Variants in MPC2 observed in about 807,000 individuals in gnomAD.
MPC2 encodes mitochondrial pyruvate carrier 2, also known as brain protein 44.
Under a neutral mutation model 19.2 loss-of-function variants are expected in MPC2, and 19 were observed. The observed-to-expected ratio is 0.99, with a 90% CI of 0.69 to 1.45. MPC2 has a LOEUF of 1.45. Ranked by LOEUF, MPC2 falls within the 40% of genes most tolerant of loss-of-function variation. The pLI is 0.00. For synonymous variants in MPC2, 61 were observed against 54.3 expected (o/e 1.12, Z -0.54); for missense variants, 122 against 153.0 (o/e 0.80, Z 1.07).
chr1:167,924,734 G>A lies in MPC2; in HGVS notation c.110-197C>T, dbSNP rs3752541. Among the ~76,000 whole-genome samples the A allele has an allele frequency of 4.5e-3, 686 of 152,166 alleles. 8 individuals are homozygous for A. The East Asian group carries it at 0.056, about 12-fold the overall frequency. ...CAGTATCACAGTACAGTTGACCCTT[G>A]AATAACACAGGTTTGAACTGATAGG... On this transcript the variant is annotated intron_variant, in intron 2 of 5. Transcript: ENST00000271373.
chr1:167,921,681 G>A (rs1184769944), intron 3 of MPC2, among the ~76,000 whole-genome samples: 1 of 151,844 alleles, frequency 6.6e-6, no homozygotes, highest in African/African-American at 2.4e-5. Context: ...ATTTATGCCA[G>A]TTTTACTTGT....
At chr1:167,919,847 T>C (rs1467980449) in intron 5 of MPC2, 132 bp downstream of exon 5, 1 of 570,968 alleles carries the variant, frequency 1.8e-6, no homozygotes, top group Non-Finnish European at 3.1e-6. Context: ...GCATTATATA[T>C]GAATCTTTTA....
chr1:167,921,872 C>T (rs952796714), intron 3 of MPC2, among the ~76,000 whole-genome samples: 18 of 151,954 alleles, frequency 1.2e-4, no homozygotes, highest in Non-Finnish European at 7.4e-5. Context: ...TATTTATATC[C>T]TTTAGGTTAA....
At chr1:167,925,510 T>A in intron 2 of MPC2, among the ~76,000 whole-genome samples, 2 of 136,026 alleles carry the variant, frequency 1.5e-5, no homozygotes, top group African/African-American at 2.6e-5. Context: ...TATATACACA[T>A]ACAAACAACG....
At chr1:167,918,471 T>C in intron 5 of MPC2, 112 bp from the exon 6 acceptor site, 1 of 672,104 alleles carries the variant, frequency 1.5e-6, no homozygotes, top group Non-Finnish European at 2.5e-6. Flanking sequence ...CAAGTAGCTA[T>C]ACAGTTGTAA....
chr1:167,918,095 G>A lies in MPC2; in HGVS notation c.*228C>T, dbSNP rs1371348244. The A allele has an allele frequency of 1.4e-5, 6 of 424,494 alleles. No individual in the cohort carries two copies. Among genetic ancestry groups the A allele is most frequent in the Admixed American group, 8.2e-5 (2 of 24,360 alleles). 26.3% of individuals were successfully genotyped at this position (424,494 alleles called of 1,614,324 possible). A position where few individuals can be genotyped will look rare whatever the true frequency, so the allele number is the denominator to read the frequency against. On this transcript the variant is annotated 3_prime_UTR_variant, in exon 6 of 6. Transcript: ENST00000271373. ...TATACGAGCAAGTATGGTTTATTAC[G>A]GACAAATGGTAGAAAAATGTTACTA...
intron 2 of MPC2, among the ~76,000 whole-genome samples, chr1:167,929,293 A>G (rs963976644): frequency 2.0e-5 from 3 of 152,134 alleles, no homozygotes; most frequent in African/African-American, 7.2e-5. Context: ...CAGGAGGCAG[A>G]GGTTGCAGTG....
intron 2 of MPC2, among the ~76,000 whole-genome samples, chr1:167,929,841 C>CTTA (rs1258988273): frequency 6.6e-6 from 1 of 152,178 alleles, no homozygotes; most frequent in Non-Finnish European, 1.5e-5. Flanking sequence ...AAGTTTCTTA[C>CTTA]TGAATGCTAA....
chr1:167,920,178 C>A (rs1334310829), intron 4 of MPC2, 88 bp from the exon 5 acceptor site: 1 of 817,894 alleles, frequency 1.2e-6, no homozygotes, highest in Non-Finnish European at 2.0e-6. Flanking sequence ...GTAATTACAA[C>A]AATAATGTAG....
intron 1 of MPC2, chr1:167,936,730 C>T: frequency 6.7e-6 from 4 of 597,996 alleles, no homozygotes; most frequent in Non-Finnish European, 1.2e-5. Context: ...GAGCTCCGGC[C>T]CGGGTGCGGC....
intron 3 of MPC2, among the ~76,000 whole-genome samples, chr1:167,920,990 C>T (rs1343861438): frequency 6.6e-6 from 1 of 151,972 alleles, no homozygotes; most frequent in Non-Finnish European, 1.5e-5. Context: ...TGTCAGGAAC[C>T]ACTAACCACT....
rs1670513213 is a variant in MPC2, at chr1:167,918,230, C to T, written c.*93G>A. 6.8e-6 allele frequency: 7 copies of T among 1,028,044 alleles called. No homozygotes were observed. Among genetic ancestry groups the T allele is most frequent in the Non-Finnish European group, 1.0e-5 (7 of 697,918 alleles). The allele number at this position is 1,028,044 out of a possible 1,614,324, so 63.7% of individuals were successfully genotyped here. A position where few individuals can be genotyped will look rare whatever the true frequency, so the allele number is the denominator to read the frequency against. ...TACCAGTTACAGTGCCTTCTAAACACACAGTTAGCTTTGCTTTATCAATAA... is the reference window on the plus strand; with the variant it reads ...TACCAGTTACAGTGCCTTCTAAACATACAGTTAGCTTTGCTTTATCAATAA... On this transcript the variant is annotated 3_prime_UTR_variant, in exon 6 of 6. Coordinates refer to ENST00000271373, the MANE Select transcript of MPC2 (RefSeq NM_001143674.4).
chr1:167,927,901 T>A (rs1670800335), intron 2 of MPC2, among the ~76,000 whole-genome samples: 1 of 152,218 alleles, frequency 6.6e-6, no homozygotes, highest in Admixed American at 6.5e-5. Context: ...AATTTTAGTT[T>A]AACAACTGCT....
chr1:167,920,392 C>T (rs1197489724), intron 4 of MPC2, among the ~76,000 whole-genome samples, 155 bp downstream of exon 4: 5 of 152,208 alleles, frequency 3.3e-5, no homozygotes, highest in Admixed American at 1.3e-4. Flanking sequence ...TGTGACTCCT[C>T]CATCCATAAC....
intron 3 of MPC2, among the ~76,000 whole-genome samples, chr1:167,922,327 A>G (rs1282479226): frequency 6.6e-6 from 1 of 152,136 alleles, no homozygotes; most frequent in Non-Finnish European, 1.5e-5. Context: ...ACAGTAATGA[A>G]CCAGTTCAAA....
In MPC2 at chr1:167,925,442, CATATATATATATAT is replaced by C. The variant is rs369657697; in HGVS notation, c.110-919_110-906del. Among the ~76,000 whole-genome samples, 55 of 82,476 alleles carry C rather than the reference CATATATATATATAT, an allele frequency of 6.7e-4. 1 individual carries two copies. In the South Asian group the frequency reaches 9.0e-3, roughly 13 times the overall value. The allele number at this position is 82,476 out of a possible 152,430, so 54.1% of individuals were successfully genotyped here. On this transcript the variant is annotated intron_variant, in intron 2 of 5. Transcript: ENST00000271373. The stretch of plus-strand genomic sequence containing the variant: ...TATAATATACAGATATACATATACA[CATATATATATATAT>C]ATATATATATATATATATACATATA...
At chr1:167,936,632 C>A in intron 1 of MPC2, 2 of 377,146 alleles carry the variant, frequency 5.3e-6, no homozygotes, top group South Asian at 3.2e-5. Context: ...CCTCCGCCTC[C>A]GCCTCCTCCT....
At chr1:167,929,134 G>A (rs780798453) in intron 2 of MPC2, among the ~76,000 whole-genome samples, 5 of 152,136 alleles carry the variant, frequency 3.3e-5, no homozygotes, top group East Asian at 1.9e-4. Context: ...GGAGGTGGGC[G>A]GATCACCAGA....
In MPC2 at chr1:167,920,108, T is replaced by A; in HGVS notation, c.236-18A>T. 1 of 1,514,584 alleles carries A rather than the reference T, an allele frequency of 6.6e-7. No individual in the cohort carries two copies. The highest frequency in any genetic ancestry group is 9.1e-7 in the Non-Finnish European group (1 of 1,095,510). 93.8% of individuals were successfully genotyped at this position (1,514,584 alleles called of 1,614,324 possible). A position where few individuals can be genotyped will look rare whatever the true frequency, so the allele number is the denominator to read the frequency against. On this transcript the variant is annotated intron_variant, in intron 4 of 5. Coordinates refer to ENST00000271373, the MANE Select transcript of MPC2 (RefSeq NM_001143674.4). ...AATAAACCCTGTTGAAACAAAATGT[T>A]ACTTTAAAAAGAATACATACTGCTT...
Sources: allele counts gnomAD v4.1 joint callset (sites outside exome capture counted in the v4.1 genomes callset), GRCh38; gene constraint gnomAD v4.1.1; transcripts MANE v1.5; gene names NCBI Gene and HGNC (gene_info 2026-07-23, HGNC 2026-07-21).